Variants in CEP128 observed in about 807,000 individuals in gnomAD.
CEP128 encodes centrosomal protein 128kDa.
A neutral mutation model predicts 156.7 loss-of-function variants in CEP128; 132 were observed. The ratio of observed to expected loss-of-function variants is 0.84; its 90% confidence interval spans 0.73 to 0.97. The LOEUF (loss-of-function observed/expected upper bound fraction) is 0.97. Among genes scored for constraint, CEP128 ranks in the 50% least tolerant of loss-of-function variants. CEP128 has a pLI of 0.00. For missense variants in CEP128, 1,252 were observed against 1,281.9 expected (o/e 0.98, Z 0.36); for synonymous variants, 469 against 448.9 (o/e 1.04, Z -0.57).
chr14:80,504,970 T>C lies in CEP128; in HGVS notation c.3123A>G (p.Ser1041=), dbSNP rs1345555837. 6.2e-7 allele frequency: 1 copy of C among 1,605,630 alleles called. No individual in the cohort carries two copies. Residue 1041 remains serine, a synonymous_variant, in exon 24 of 25, where the codon TCA becomes TCG. Coordinates refer to ENST00000555265, the MANE Select transcript of CEP128 (RefSeq NM_152446.5). ...AGCGACTGTGATCCTGCCAAGAGGA[T>C]GAGTGATCTAACCCACGAGTGTGGG... ...EGSHTRGLDH[S]SSWQDHSRFL...
intron 2 of CEP128, among the ~76,000 whole-genome samples, chr14:80,929,757 AT>A (rs1351962698): frequency 1.3e-5 from 2 of 152,114 alleles, no homozygotes; most frequent in Non-Finnish European, 2.9e-5. Context: ...AAAACTACCT[AT>A]TGGGTACAAT....
At chr14:80,792,474 A>C (rs1901760531) in intron 14 of CEP128, among the ~76,000 whole-genome samples, 1 of 152,230 alleles carries the variant, frequency 6.6e-6, no homozygotes, top group Admixed American at 6.5e-5. Context: ...TAGAAGATTA[A>C]ACAATAATTC....
At chr14:80,702,683 T>C (rs1436318599) in intron 19 of CEP128, among the ~76,000 whole-genome samples, 3 of 152,130 alleles carry the variant, frequency 2.0e-5, no homozygotes, top group African/African-American at 7.2e-5. Flanking sequence ...CAAGTTGGTA[T>C]TATGGTAGAA....
intron 23 of CEP128, among the ~76,000 whole-genome samples, chr14:80,518,977 TA>T (rs1195981014): frequency 1.3e-5 from 2 of 152,236 alleles, no homozygotes; most frequent in Non-Finnish European, 2.9e-5. Flanking sequence ...GGAACTTCTA[TA>T]AAAGTAAATT....
intron 19 of CEP128, among the ~76,000 whole-genome samples, chr14:80,601,690 T>A (rs2140533145): frequency 6.6e-6 from 1 of 152,266 alleles, no homozygotes; most frequent in African/African-American, 2.4e-5. Context: ...TAAGCAAATG[T>A]AACACAATAC....
At chr14:80,518,212 T>C (rs1888581075) in intron 23 of CEP128, among the ~76,000 whole-genome samples, 1 of 150,988 alleles carries the variant, frequency 6.6e-6, no homozygotes, top group African/African-American at 2.4e-5. Context: ...ATTTACTTCC[T>C]GCTTTTAGCC....
intron 9 of CEP128, among the ~76,000 whole-genome samples, chr14:80,853,825 G>T (rs1887016075): frequency 6.6e-6 from 1 of 151,786 alleles, no homozygotes; most frequent in Non-Finnish European, 1.5e-5. Context: ...AGCATATAGA[G>T]GTCAGATAGA....
At chr14:80,563,522 A>ATTTTTTTTTTTT (rs1595010139) in intron 20 of CEP128, among the ~76,000 whole-genome samples, 1 of 107,172 alleles carries the variant, frequency 9.3e-6, no homozygotes, top group African/African-American at 3.9e-5. Context: ...GGGCCTCCAA[A>ATTTTTTTTTTTT]TCTTTTTTTT....
chr14:80,635,444 C>G (rs534843112), intron 19 of CEP128, among the ~76,000 whole-genome samples: 2 of 152,292 alleles, frequency 1.3e-5, no homozygotes, highest in Non-Finnish European at 2.9e-5. Context: ...AAACTAGGTC[C>G]TTCTAGTGTC....
intron 19 of CEP128, among the ~76,000 whole-genome samples, chr14:80,627,358 G>A (rs57289554): frequency 0.12 from 18,168 of 152,154 alleles, 1,739 homozygotes; most frequent in African/African-American, 0.26. Flanking sequence ...ATAAAGAAAT[G>A]TAAGAACCTT....
At chr14:80,914,243 G>C in intron 4 of CEP128, 79 bp downstream of exon 4, 4 of 961,710 alleles carry the variant, frequency 4.2e-6, no homozygotes, top group Non-Finnish European at 5.0e-6. Context: ...TTTTCCTTTA[G>C]CTCACAGCCC....
chr14:80,906,183 T>TC (rs767171861), intron 4 of CEP128, 102 bp from the exon 5 acceptor site: 306 of 891,344 alleles, frequency 3.4e-4, no homozygotes, highest in Admixed American at 1.8e-3. Flanking sequence ...ATATCTGGGT[T>TC]CCCCCCAAAA....
At chr14:80,923,732 CA>C (rs1277911819) in intron 2 of CEP128, among the ~76,000 whole-genome samples, 1 of 152,152 alleles carries the variant, frequency 6.6e-6, no homozygotes, top group African/African-American at 2.4e-5. Flanking sequence ...TAATCATTAA[CA>C]AAATTCAAAT....
intron 4 of CEP128, among the ~76,000 whole-genome samples, chr14:80,908,768 T>G (rs1315169168): frequency 1.3e-5 from 2 of 152,234 alleles, no homozygotes; most frequent in African/African-American, 4.8e-5. Context: ...GACATCTTTC[T>G]TCAGAAAAAT....
chr14:80,693,729 A>G (rs1264090504), intron 19 of CEP128, among the ~76,000 whole-genome samples: 1 of 152,194 alleles, frequency 6.6e-6, no homozygotes, highest in Non-Finnish European at 1.5e-5. Flanking sequence ...TCTATAAGTC[A>G]GTTGTTTGAA....
chr14:80,824,355 T>G (rs1885356824), intron 13 of CEP128, among the ~76,000 whole-genome samples: 1 of 152,246 alleles, frequency 6.6e-6, no homozygotes. Context: ...TATGCAAATT[T>G]CTGCAGCCAG....
chr14:80,927,476 C>G (rs1885213813), intron 2 of CEP128, among the ~76,000 whole-genome samples: 1 of 152,186 alleles, frequency 6.6e-6, no homozygotes, highest in Non-Finnish European at 1.5e-5. Context: ...ACTGCACCCC[C>G]ACAAGAGGAA....
At chr14:80,948,820 T>C (rs1886399307) in intron 2 of CEP128, among the ~76,000 whole-genome samples, 1 of 152,202 alleles carries the variant, frequency 6.6e-6, no homozygotes, top group South Asian at 2.1e-4. Flanking sequence ...TTTTAAAAGT[T>C]ATGCTAAGGA....
In CEP128 at chr14:80,570,794, G is replaced by C. The variant is rs1891109336; in HGVS notation, c.2856+9580C>G. On this transcript the variant is annotated intron_variant, in intron 20 of 24. Transcript: ENST00000555265. ...TGGTTTTCCATGGTAGAGGTTAGGG[G>C]ATGCACTGGGTAACTGCCCTGGAGC... Among the ~76,000 whole-genome samples the C allele has an allele frequency of 3.9e-5, 6 of 152,128 alleles. No homozygotes were observed. In the South Asian group the frequency reaches 1.2e-3, roughly 32 times the overall value.
Sources: allele counts gnomAD v4.1 joint callset (sites outside exome capture counted in the v4.1 genomes callset), GRCh38; gene constraint gnomAD v4.1.1; transcripts MANE v1.5; gene names NCBI Gene and HGNC (gene_info 2026-07-23, HGNC 2026-07-21).